Variants in SORCS3 observed in about 807,000 individuals in gnomAD.
SORCS3 encodes the protein sortilin related VPS10 domain containing receptor 3.
SORCS3 carries 57 observed loss-of-function variants against 146.3 expected under a neutral mutation model. The observed-to-expected ratio is 0.39, with a 90% CI of 0.31 to 0.49. The LOEUF is 0.49. SORCS3 is among the 20% of genes least tolerant of loss of function. The probability of loss-of-function intolerance (pLI) is 0.92; values close to 1 mark genes in which losing one functional copy is unlikely to be tolerated. For synonymous variants in SORCS3, 653 were observed against 618.5 expected (o/e 1.06, Z -0.83); for missense variants, 1,341 against 1,575.5 (o/e 0.85, Z 2.52).
intron 3 of SORCS3, among the ~76,000 whole-genome samples, chr10:104,967,979 G>C (rs2054835801): frequency 6.6e-6 from 1 of 152,070 alleles, no homozygotes. Context: ...GTAATTTAAA[G>C]CTAAAGGTTA....
At chr10:104,880,200 G>T (rs2018617340) in intron 2 of SORCS3, among the ~76,000 whole-genome samples, 2 of 152,100 alleles carry the variant, frequency 1.3e-5, no homozygotes, top group Admixed American at 6.6e-5. Flanking sequence ...ATGAACCAAT[G>T]ACTGAAATAA....
chr10:105,099,826 C>G (rs1314483527), intron 6 of SORCS3, among the ~76,000 whole-genome samples: 1 of 152,184 alleles, frequency 6.6e-6, no homozygotes, highest in African/African-American at 2.4e-5. Flanking sequence ...CACCAGTTCT[C>G]TAAGCATCCT....
intron 8 of SORCS3, among the ~76,000 whole-genome samples, chr10:105,147,085 G>C (rs2056136533): frequency 6.6e-6 from 1 of 152,072 alleles, no homozygotes; most frequent in Admixed American, 6.6e-5. Flanking sequence ...GTATACAACA[G>C]ATGCAAATAT....
At chr10:105,254,746 T>A (rs2119759306) in intron 23 of SORCS3, among the ~76,000 whole-genome samples, 1 of 151,366 alleles carries the variant, frequency 6.6e-6, no homozygotes, top group East Asian at 2.0e-4. Context: ...TTGCAGCCAG[T>A]CAAGATCATG....
chr10:104,689,798 G>A (rs896982683), intron 1 of SORCS3, among the ~76,000 whole-genome samples: 5 of 152,138 alleles, frequency 3.3e-5, no homozygotes, highest in Admixed American at 6.5e-5. Context: ...GTGAGGCATG[G>A]AGAACAGAAA....
At chr10:105,046,996 G>A (rs2055376724) in intron 5 of SORCS3, among the ~76,000 whole-genome samples, 1 of 151,910 alleles carries the variant, frequency 6.6e-6, no homozygotes, top group African/African-American at 2.4e-5. Context: ...GCTCTGCTAT[G>A]GCAGAGTTGT....
chr10:104,937,289 C>T (rs886647463), intron 3 of SORCS3, among the ~76,000 whole-genome samples: 1 of 152,178 alleles, frequency 6.6e-6, no homozygotes, highest in Non-Finnish European at 1.5e-5. Flanking sequence ...GTTGAGGACC[C>T]TTGCTTCAAA....
intron 1 of SORCS3, among the ~76,000 whole-genome samples, chr10:104,770,196 G>A (rs76140667): frequency 0.038 from 5,779 of 152,272 alleles, 127 homozygotes; most frequent in Admixed American, 0.06. Context: ...CTGTAGGGAG[G>A]ACATGTGAGA....
At chr10:105,232,371 A>C (rs1037238381) in intron 20 of SORCS3, among the ~76,000 whole-genome samples, 3 of 152,036 alleles carry the variant, frequency 2.0e-5, no homozygotes, top group African/African-American at 7.2e-5. Context: ...AATATCTATA[A>C]GATTTGTAGT....
intron 1 of SORCS3, among the ~76,000 whole-genome samples, chr10:104,668,542 C>A (rs2015812190): frequency 6.6e-6 from 1 of 152,106 alleles, no homozygotes; most frequent in South Asian, 2.1e-4. Flanking sequence ...TATATTTGTA[C>A]CTACTTCATA....
At chr10:104,672,482 T>A (rs189161168) in intron 1 of SORCS3, among the ~76,000 whole-genome samples, 1 of 152,246 alleles carries the variant, frequency 6.6e-6, no homozygotes, top group Non-Finnish European at 1.5e-5. Context: ...CTGACCTTTA[T>A]TTTTCCTGTC....
chr10:104,824,986 T>G (rs903059139), intron 1 of SORCS3, among the ~76,000 whole-genome samples: 1 of 152,212 alleles, frequency 6.6e-6, no homozygotes, highest in Non-Finnish European at 1.5e-5. Flanking sequence ...ACCTGTGATC[T>G]TCCCATCGCG....
intron 5 of SORCS3, among the ~76,000 whole-genome samples, chr10:105,067,080 A>G (rs1327448375): frequency 2.0e-5 from 3 of 152,246 alleles, no homozygotes; most frequent in Admixed American, 6.5e-5. Flanking sequence ...TTGGTTCACT[A>G]TCTTCAAATT....
intron 4 of SORCS3, among the ~76,000 whole-genome samples, chr10:104,978,105 A>G (rs1284931729): frequency 3.3e-5 from 5 of 152,224 alleles, no homozygotes; most frequent in African/African-American, 1.2e-4. Flanking sequence ...AGTAGGACAT[A>G]CATAATATTT....
chr10:105,252,827 C>G lies in SORCS3; in HGVS notation c.3158C>G (p.Pro1053Arg), dbSNP rs1260092878. The G allele has an allele frequency of 6.2e-7, 1 of 1,614,096 alleles. No individual in the cohort carries two copies. Among genetic ancestry groups the G allele is most frequent in the Non-Finnish European group, 8.5e-7 (1 of 1,179,994 alleles). ...QILIAVFPGLPTSAELFILPP... is the reference protein window; with the variant it reads ...QILIAVFPGLRTSAELFILPP... Reference sequence around the variant, plus strand: ...CTCATTGCCGTGTTTCCTGGTCTCCCCACTTCAGCAGAGCTTTTCATTCTT... The same window carrying G: ...CTCATTGCCGTGTTTCCTGGTCTCCGCACTTCAGCAGAGCTTTTCATTCTT... Residue 1053 changes from proline to arginine, a missense_variant, in exon 23 of 27, where the codon CCC (proline) becomes CGC (arginine). Coordinates refer to ENST00000369701, the MANE Select transcript of SORCS3 (RefSeq NM_014978.3).
intron 1 of SORCS3, among the ~76,000 whole-genome samples, chr10:104,731,427 G>A (rs2133453113): frequency 6.6e-6 from 1 of 152,306 alleles, no homozygotes. Context: ...CAGGGCTTGT[G>A]ATTTAACTCT....
intron 2 of SORCS3, among the ~76,000 whole-genome samples, chr10:104,869,064 T>G (rs1330568292): frequency 6.6e-6 from 1 of 152,186 alleles, no homozygotes; most frequent in Non-Finnish European, 1.5e-5. Context: ...CATTCTCTAG[T>G]ACCACTGCAT....
intron 5 of SORCS3, among the ~76,000 whole-genome samples, chr10:105,075,910 C>T (rs187125053): frequency 4.6e-5 from 7 of 152,288 alleles, no homozygotes; most frequent in Non-Finnish European, 8.8e-5. Flanking sequence ...TGAACGTGGT[C>T]AGAATCAAGG....
chr10:105,187,770 A>T (rs1364853686), intron 14 of SORCS3, among the ~76,000 whole-genome samples: 1 of 152,210 alleles, frequency 6.6e-6, no homozygotes, highest in Non-Finnish European at 1.5e-5. Flanking sequence ...AACAATACGT[A>T]TCGATAGCTT....
Sources: gnomAD v4.1 joint callset for allele counts (sites outside exome capture counted in the v4.1 genomes callset) on GRCh38, gnomAD v4.1.1 for gene constraint, MANE v1.5 for transcripts, NCBI Gene and HGNC (gene_info 2026-07-23, HGNC 2026-07-21) for gene names.